Variants in SLC13A4 observed in about 807,000 individuals in gnomAD.
SLC13A4 encodes the protein Na(+)/sulfate cotransporter SUT-1.
Under a neutral mutation model 72.7 loss-of-function variants are expected in SLC13A4, and 28 were observed. The observed-to-expected ratio is 0.39, with a 90% CI of 0.29 to 0.53. The LOEUF (loss-of-function observed/expected upper bound fraction) is 0.53. SLC13A4 is among the 20% of genes least tolerant of loss of function. The pLI is 0.78. For synonymous variants in SLC13A4, 312 were observed against 325.5 expected (o/e 0.96, Z 0.45); for missense variants, 653 against 788.0 (o/e 0.83, Z 2.05).
In SLC13A4 at chr7:135,695,088, C is replaced by T. The variant is rs567812171; in HGVS notation, c.1019+280G>A. Among the ~76,000 whole-genome samples the T allele has an allele frequency of 3.3e-5, 5 of 152,350 alleles. No individual in the cohort carries two copies. In the South Asian group the frequency reaches 1.0e-3, roughly 32 times the overall value. On this transcript the variant is annotated intron_variant, in intron 9 of 15. Transcript: ENST00000682651. ...CAATAAAACGACATTAAATACTCTT[C>T]ACCTCAGACTTTGTATAAACTGGAC... is the stretch of plus-strand genomic sequence containing the variant.
In SLC13A4 at chr7:135,683,490, T is replaced by C. The variant is rs1415907144; in HGVS notation, c.1746+634A>G. The C allele has an allele frequency of 2.7e-5, 26 of 976,582 alleles. No homozygotes were observed. The East Asian group carries it at 1.4e-3, about 52-fold the overall frequency. 60.5% of individuals were successfully genotyped at this position (976,582 alleles called of 1,614,324 possible). ...TGTTTTCCATCCTCTCCCCCCCCGCTCAGCCCTGGATACTAAGTATAGCAG... is the reference window on the plus strand; with the variant it reads ...TGTTTTCCATCCTCTCCCCCCCCGCCCAGCCCTGGATACTAAGTATAGCAG... On this transcript the variant is annotated intron_variant, in intron 15 of 15. Coordinates refer to ENST00000682651, the MANE Select transcript of SLC13A4 (RefSeq NM_001318192.2).
chr7:135,694,884 G>C (rs1795867092), intron 9 of SLC13A4, among the ~76,000 whole-genome samples: 1 of 152,210 alleles, frequency 6.6e-6, no homozygotes, highest in Non-Finnish European at 1.5e-5. Context: ...GTTTGAAACT[G>C]ATCAAATTTG....
At chr7:135,702,723 A>C in intron 6 of SLC13A4, 122 bp downstream of exon 6, 2 of 829,068 alleles carry the variant, frequency 2.4e-6, no homozygotes, top group Non-Finnish European at 4.2e-6. Context: ...ATCCTCACTG[A>C]AAGGAACTCT....
At chr7:135,710,084 G>C (rs953506370) in intron 2 of SLC13A4, among the ~76,000 whole-genome samples, 1 of 152,142 alleles carries the variant, frequency 6.6e-6, no homozygotes, top group Non-Finnish European at 1.5e-5. Context: ...AAAAGCTATA[G>C]AAAAGTCTAA....
intron 5 of SLC13A4, chr7:135,704,012 A>C (rs1796103082): frequency 6.6e-6 from 1 of 152,242 alleles, no homozygotes; most frequent in Admixed American, 6.5e-5. Flanking sequence ...AGATGCTTAG[A>C]GTTCTAGGGA....
chr7:135,689,929 C>T (rs1440660528), intron 13 of SLC13A4, among the ~76,000 whole-genome samples: 1 of 152,056 alleles, frequency 6.6e-6, no homozygotes, highest in Non-Finnish European at 1.5e-5. Context: ...CCTGTAATCC[C>T]AGTACTTTGG....
chr7:135,691,453 G>T, intron 12 of SLC13A4, 95 bp downstream of exon 12: 2 of 540,526 alleles, frequency 3.7e-6, no homozygotes, highest in Non-Finnish European at 7.3e-6. Context: ...AGGGGGGTGG[G>T]AATCTGAAGG....
Position 135,718,088 on chromosome 7 carries a change from C to CACACACACACGT in SLC13A4, c.228+3306_228+3307insACGTGTGTGTGT, listed in dbSNP as rs754511549. ...CAATTCCTACACACACACACACACACGCGCGCGCGCGCACGCGTGCGCGCT... is the reference window on the plus strand; with the variant it reads ...CAATTCCTACACACACACACACACACACACACACACGTGCGCGCGCGCGCACGCGTGCGCGCT... On this transcript the variant is annotated intron_variant, in intron 2 of 15. Coordinates refer to ENST00000682651, the MANE Select transcript of SLC13A4 (RefSeq NM_001318192.2). 9.4e-4 allele frequency among the ~76,000 whole-genome samples: 141 copies of CACACACACACGT among 149,660 alleles called. 2 individuals are homozygous for CACACACACACGT. Among genetic ancestry groups the CACACACACACGT allele is most frequent in the African/African-American group, 3.2e-3 (128 of 40,314 alleles).
intron 7 of SLC13A4, among the ~76,000 whole-genome samples, 175 bp from the exon 8 acceptor site, chr7:135,699,723 C>G (rs745391708): frequency 1.3e-5 from 2 of 152,144 alleles, no homozygotes; most frequent in Non-Finnish European, 2.9e-5. Flanking sequence ...GCAGTTTCTT[C>G]TTTGTAAAAT....
chr7:135,717,693 A>T (rs1234743237), intron 2 of SLC13A4, among the ~76,000 whole-genome samples: 1 of 152,196 alleles, frequency 6.6e-6, no homozygotes. Flanking sequence ...GTGATGGTTA[A>T]CTTTGCATGT....
chr7:135,691,831 T>C, intron 11 of SLC13A4, 186 bp from the exon 12 acceptor site: 1 of 554,038 alleles, frequency 1.8e-6, no homozygotes, highest in Non-Finnish European at 3.2e-6. Flanking sequence ...ATGGCGAATG[T>C]CTGGAGGCAG....
chr7:135,693,172 T>TAA (rs1332311012), intron 10 of SLC13A4: 1 of 150,414 alleles, frequency 6.6e-6, no homozygotes, highest in African/African-American at 2.4e-5. Context: ...ACTGAGACAT[T>TAA]AATTACCTAT....
rs544227571 is a variant in SLC13A4 at position 135,693,773 on chromosome 7, C to T, written c.1121+364G>A. ...CTCCCATCTCCCTGGGAGTGATAACCGCACCACTGTGGTGGCGCGTCTGAG... is the reference window on the plus strand; with the variant it reads ...CTCCCATCTCCCTGGGAGTGATAACTGCACCACTGTGGTGGCGCGTCTGAG... On this transcript the variant is annotated intron_variant, in intron 10 of 15. Transcript: ENST00000682651. Among the ~76,000 whole-genome samples, 157 of 152,238 alleles carry T rather than the reference C, an allele frequency of 1.0e-3. 1 individual carries two copies. The highest frequency in any genetic ancestry group is 6.8e-3 in the Middle Eastern group (2 of 294).
At chr7:135,705,937 C>G (rs1796149670) in intron 4 of SLC13A4, 191 bp downstream of exon 4, 2 of 571,230 alleles carry the variant, frequency 3.5e-6, no homozygotes, top group Non-Finnish European at 6.0e-6. Flanking sequence ...ACAGGGAGTT[C>G]AGGGAAGCTT....
chr7:135,720,393 A>G (rs1584741693), intron 2 of SLC13A4, among the ~76,000 whole-genome samples: 1 of 152,070 alleles, frequency 6.6e-6, no homozygotes, highest in Non-Finnish European at 1.5e-5. Flanking sequence ...AAATACTAGC[A>G]TGCGCCTTGT....
At position 135,691,255 on chromosome 7, in the gene SLC13A4, G is replaced by T; in HGVS notation, c.1392C>A (p.Pro464=). ...ITWKDFQKTM[P]WEIVILVGGG... is the part of the protein sequence containing the mutation. ...CCCCAACCAGAATGACAATCTCCCA[G>T]GGCATGGTCTTCTGGAAGTCCTTCC... The change falls in exon 13 of 16, where the codon CCC becomes CCA. Residue 464 remains proline, a synonymous_variant. Transcript: ENST00000682651. 6.2e-7 allele frequency: 1 copy of T among 1,613,760 alleles called. No homozygotes were observed. Among genetic ancestry groups the T allele is most frequent in the Non-Finnish European group, 8.5e-7 (1 of 1,179,908 alleles).
chr7:135,701,772 A>C lies in SLC13A4; in HGVS notation c.634-12T>G. The C allele has an allele frequency of 6.2e-7, 1 of 1,613,164 alleles. No individual in the cohort carries two copies. Among genetic ancestry groups the C allele is most frequent in the Non-Finnish European group, 8.5e-7 (1 of 1,179,568 alleles). The stretch of plus-strand genomic sequence containing the variant: ...ACACCATTCAGGTTCTGTTGGGACA[A>C]AGGCCATCTCACTATTAGGAAGAGG... On this transcript the variant is annotated splice_polypyrimidine_tract_variant and intron_variant, in intron 6 of 15. Coordinates refer to ENST00000682651, the MANE Select transcript of SLC13A4 (RefSeq NM_001318192.2).
chr7:135,701,549 GT>G (rs76462774), intron 7 of SLC13A4, 130 bp downstream of exon 7: 54,157 of 866,416 alleles, frequency 0.063, 1,955 homozygotes, highest in South Asian at 0.081. Flanking sequence ...GGCCAGACAT[GT>G]ATGAGAGTAA....
At chr7:135,698,537 G>T (rs1795957311) in intron 8 of SLC13A4, among the ~76,000 whole-genome samples, 1 of 148,922 alleles carries the variant, frequency 6.7e-6, no homozygotes, top group Non-Finnish European at 1.5e-5. Flanking sequence ...GTTTCACCAT[G>T]TTGGCCAGGC....
Sources: allele counts gnomAD v4.1 joint callset (sites outside exome capture counted in the v4.1 genomes callset), GRCh38; gene constraint gnomAD v4.1.1; transcripts MANE v1.5; gene names NCBI Gene and HGNC (gene_info 2026-07-23, HGNC 2026-07-21).